The following CDC42SE2 variants were observed in gnomAD, a reference collection of about 807,000 sequenced individuals.
CDC42SE2 encodes the protein CDC42 small effector 2.
Under a neutral mutation model 11.5 loss-of-function variants are expected in CDC42SE2, and 3 were observed. That is an observed-to-expected ratio of 0.26 (90% CI 0.12 to 0.67). The LOEUF is 0.67. Among genes scored for constraint, CDC42SE2 ranks in the 30% least tolerant of loss-of-function variants. The pLI, the probability that CDC42SE2 is intolerant of heterozygous loss-of-function variation, is 0.80. For synonymous variants in CDC42SE2, 33 were observed against 34.8 expected (o/e 0.95, Z 0.18); for missense variants, 82 against 106.8 (o/e 0.77, Z 1.02).
At chr5:131,261,916 T>C (rs2149686552), upstream of CDC42SE2, among the ~76,000 whole-genome samples, 1 of 150,808 alleles carries the variant, frequency 6.6e-6, no homozygotes, top group Admixed American at 6.6e-5. Context: ...TAATTGACTT[T>C]TTTTTTTTTT....
At chr5:131,244,991 GAT>G (rs1756568859), upstream of CDC42SE2, among the ~76,000 whole-genome samples, 5 of 152,316 alleles carry the variant, frequency 3.3e-5, no homozygotes, top group Admixed American at 3.3e-4. Context: ...GCAAAGCTAA[GAT>G]AGTGGTTACC....
the CDC42SE2 span, among the ~76,000 whole-genome samples, chr5:131,239,842 A>T: frequency 2.0e-5 from 3 of 152,226 alleles, no homozygotes; most frequent in Non-Finnish European, 4.4e-5. Flanking sequence ...AACAGAGTCC[A>T]GCTTAGAGCG....
At chr5:131,247,270 G>A (rs1036516710) in intron 1 of CDC42SE2, among the ~76,000 whole-genome samples, 1 of 152,130 alleles carries the variant, frequency 6.6e-6, no homozygotes, top group Non-Finnish European at 1.5e-5. Context: ...GAAAATGTAT[G>A]TATATAATTT....
chr5:131,224,365 T>A, the CDC42SE2 span, among the ~76,000 whole-genome samples: 10 of 152,202 alleles, frequency 6.6e-5, no homozygotes, highest in Non-Finnish European at 1.0e-4. Context: ...ACCTACCTCA[T>A]CTGCAGCCTT....
chr5:131,239,195 G>T, the CDC42SE2 span, among the ~76,000 whole-genome samples: 4 of 150,832 alleles, frequency 2.7e-5, no homozygotes, highest in African/African-American at 7.3e-5. Flanking sequence ...AAGAAAGAAA[G>T]AAATATATAT....
intron 2 of CDC42SE2, among the ~76,000 whole-genome samples, 195 bp from the exon 3 acceptor site, chr5:131,359,014 G>A (rs6888994): frequency 0.18 from 28,074 of 152,050 alleles, 6,685 homozygotes; most frequent in African/African-American, 0.56. Flanking sequence ...ATTTCTGTCT[G>A]CTTTTACTAC....
chr5:131,323,508 A>G (rs1018308271), intron 2 of CDC42SE2, among the ~76,000 whole-genome samples: 37 of 136,436 alleles, frequency 2.7e-4, no homozygotes, highest in African/African-American at 8.8e-4. Flanking sequence ...TGCATGTTTT[A>G]TAATGAGATC....
intron 2 of CDC42SE2, among the ~76,000 whole-genome samples, chr5:131,357,545 G>T (rs898059743): frequency 1.3e-5 from 2 of 152,182 alleles, no homozygotes; most frequent in African/African-American, 2.4e-5. Flanking sequence ...TAATGTGGTT[G>T]TTACTGATCT....
intron 1 of CDC42SE2, among the ~76,000 whole-genome samples, chr5:131,275,506 C>T (rs1210095950): frequency 6.6e-6 from 1 of 152,052 alleles, no homozygotes; most frequent in Admixed American, 6.6e-5. Context: ...ATTGGCCAGG[C>T]TGGTCTCAAA....
intron 2 of CDC42SE2, among the ~76,000 whole-genome samples, chr5:131,327,108 T>C (rs540635949): frequency 2.2e-4 from 33 of 152,378 alleles, no homozygotes; most frequent in African/African-American, 7.7e-4. Context: ...GGTTTAATTT[T>C]CATCCCTTTC....
the CDC42SE2 span, among the ~76,000 whole-genome samples, chr5:131,213,652 T>C: frequency 2.6e-5 from 4 of 152,184 alleles, no homozygotes; most frequent in Admixed American, 1.3e-4. Context: ...GGTCTCACTA[T>C]GTTGCCTAGT....
rs544039609 is a variant in CDC42SE2, at chr5:131,319,964, T to G, written c.-286+3820T>G. ...TACTCGGGAGGCCAAGGCAGAAGAA[T>G]GGCGTGAACCCGGGAGGCAGAAGTT... On this transcript the variant is annotated intron_variant, in intron 2 of 4. Coordinates refer to ENST00000505065, the MANE Select transcript of CDC42SE2 (RefSeq NM_001375635.1). Among the ~76,000 whole-genome samples, 392 of 137,994 alleles carry G rather than the reference T, an allele frequency of 2.8e-3. 1 individual carries two copies. Among genetic ancestry groups the G allele is most frequent in the African/African-American group, 0.01 (374 of 36,140 alleles). 90.5% of individuals were successfully genotyped at this position (137,994 alleles called of 152,430 possible).
chr5:131,267,752 T>C (rs1296970509), intron 1 of CDC42SE2, among the ~76,000 whole-genome samples: 1 of 152,132 alleles, frequency 6.6e-6, no homozygotes, highest in Admixed American at 6.5e-5. Context: ...TAGGTTGCTG[T>C]TATGTTTTAA....
chr5:131,379,754 G>C (rs1750263352), intron 3 of CDC42SE2, among the ~76,000 whole-genome samples: 1 of 152,114 alleles, frequency 6.6e-6, no homozygotes, highest in African/African-American at 2.4e-5. Context: ...TATTCAGATG[G>C]TTGACGGTCT....
At chr5:131,380,820 G>A (rs1024898801) in intron 3 of CDC42SE2, among the ~76,000 whole-genome samples, 1 of 152,102 alleles carries the variant, frequency 6.6e-6, no homozygotes, top group Non-Finnish European at 1.5e-5. Context: ...TTCCTGTCCA[G>A]AAGGCCAGAC....
At chr5:131,389,729 G>GATAA (rs1207600552) in intron 4 of CDC42SE2, among the ~76,000 whole-genome samples, 1 of 152,212 alleles carries the variant, frequency 6.6e-6, no homozygotes, top group South Asian at 2.1e-4. Flanking sequence ...GCAGGTGACT[G>GATAA]ATAAATAGAT....
chr5:131,290,625 T>G (rs1757439327), intron 1 of CDC42SE2, among the ~76,000 whole-genome samples: 1 of 151,694 alleles, frequency 6.6e-6, no homozygotes, highest in African/African-American at 2.4e-5. Context: ...GACTACAGGC[T>G]GGCACCAGGC....
intron 2 of CDC42SE2, among the ~76,000 whole-genome samples, chr5:131,341,524 G>T (rs74724217): frequency 0.034 from 5,227 of 152,260 alleles, 308 homozygotes; most frequent in African/African-American, 0.12. Context: ...GTATGTGTAT[G>T]ATTTTACAAC....
chr5:131,374,462 C>A (rs1160837750), intron 3 of CDC42SE2, among the ~76,000 whole-genome samples: 1 of 142,522 alleles, frequency 7.0e-6, no homozygotes, highest in Non-Finnish European at 1.5e-5. Flanking sequence ...ACCCGGGTGG[C>A]AGAGGTTGCA....
Sources: gnomAD v4.1 joint callset for allele counts (sites outside exome capture counted in the v4.1 genomes callset) on GRCh38, gnomAD v4.1.1 for gene constraint, MANE v1.5 for transcripts, NCBI Gene and HGNC (gene_info 2026-07-23, HGNC 2026-07-21) for gene names.